TMEM63A: variants seen among roughly 807,000 people sequenced by gnomAD.
TMEM63A encodes the protein mechanosensitive cation channel TMEM63A.
In TMEM63A, 76 loss-of-function variants were observed where a neutral mutation model predicts 100.6. The observed-to-expected ratio is 0.76, with a 90% CI of 0.63 to 0.91. The LOEUF (loss-of-function observed/expected upper bound fraction) is 0.91, where lower values mean the gene tolerates loss of function less well. TMEM63A is among the 40% of genes least tolerant of loss of function. The pLI, the probability that TMEM63A is intolerant of heterozygous loss-of-function variation, is 0.00. For synonymous variants in TMEM63A, 401 were observed against 401.1 expected, an observed-to-expected ratio of 1.00 and a Z score of 0.00; for missense variants, 876 against 1,008.8, an observed-to-expected ratio of 0.87 and a Z score of 1.78.
downstream of TMEM63A, chr1:225,842,376 G>A: frequency 1.9e-6 from 3 of 1,612,958 alleles, no homozygotes; most frequent in Non-Finnish European, 2.5e-6. Context: ...GCTCTGCTCT[G>A]AATGACTCTC....
Position 225,865,996 on chromosome 1 carries a change from G to C in TMEM63A, c.676-29C>G. On this transcript the variant is annotated intron_variant, in intron 9 of 24. Coordinates refer to ENST00000366835, the MANE Select transcript of TMEM63A (RefSeq NM_014698.3). The surrounding 1 kb of genome is among the most constrained non-coding windows in gnomAD (Gnocchi z 4.6). ...TCCGGGAAATACAGCAGGGAGAGAA[G>C]TCACCCACAAGCCAGTGTGCCGGTA... 6.2e-7 allele frequency: 1 copy of C among 1,610,550 alleles called. No individual in the cohort carries two copies.
intron 22 of TMEM63A, 103 bp from the exon 23 acceptor site, chr1:225,848,657 G>T: frequency 1.6e-6 from 2 of 1,287,954 alleles, no homozygotes; most frequent in Non-Finnish European, 2.2e-6. Context: ...AATAGTACCA[G>T]CTGGCACCAA....
rs41441645 is a variant in TMEM63A at position 225,847,208 on chromosome 1, G to A, written c.2256C>T (p.Tyr752=). 28,187 of 1,612,866 alleles carry A rather than the reference G, an allele frequency of 0.017. 565 individuals carry two copies. Among genetic ancestry groups the A allele is most frequent in the East Asian group, 0.13 (5,613 of 44,854 alleles). ...CCAAGCCGTTCAGAATCCGAGGCAC[G>A]TAGGGCTGTCAGCAAATGGATTTGT... ...EAHMPPPFTP[Y]VPRILNGLAS... The change falls in exon 24 of 25, where the codon TAC becomes TAT. Residue 752 remains tyrosine, a synonymous_variant. Transcript: ENST00000366835.
In TMEM63A at chr1:225,867,200, G is replaced by A; in HGVS notation, c.515-37C>T. The A allele has an allele frequency of 6.2e-7, 1 of 1,611,400 alleles. No individual in the cohort carries two copies. The highest frequency in any genetic ancestry group is 8.5e-7 in the Non-Finnish European group (1 of 1,177,480). On this transcript the variant is annotated intron_variant, in intron 7 of 24. Transcript: ENST00000366835. This position sits in a 1 kb window ranked among gnomAD's most constrained non-coding sequence, Gnocchi z 4.6. ...CACAGATACTTAGTTCCAGGGTCAT[G>A]TGGGGAAGCAGGAGGGGGCGTAACC... is the stretch of plus-strand genomic sequence containing the variant.
intron 8 of TMEM63A, 191 bp from the exon 9 acceptor site, chr1:225,866,873 T>C: frequency 1.5e-6 from 1 of 672,024 alleles, no homozygotes; most frequent in Non-Finnish European, 2.6e-6. Flanking sequence ...GGGGTCCCCA[T>C]CCCTGTCCTG....
intron 23 of TMEM63A, among the ~76,000 whole-genome samples, chr1:225,847,869 A>G (rs962749770): frequency 6.6e-6 from 1 of 152,144 alleles, no homozygotes; most frequent in African/African-American, 2.4e-5. Flanking sequence ...AACCCTGCAG[A>G]TGAGGTCGGC....
At chr1:225,844,398 C>T (rs1440999579), downstream of TMEM63A, 31 of 1,588,954 alleles carry the variant, frequency 2.0e-5, no homozygotes, top group Admixed American at 6.7e-5. Context: ...GGAGGGAAGC[C>T]GCATGGGCAG....
rs1188868669 is a variant in TMEM63A, at chr1:225,862,765, A to T, written c.827+6T>A. 1.2e-6 allele frequency: 2 copies of T among 1,613,706 alleles called. No homozygotes were observed. The highest frequency in any genetic ancestry group is 1.7e-6 in the Non-Finnish European group (2 of 1,179,948). ...GGGCATCTTGCAAGGCCCGCCCACC[A>T]CTCACTTCTCCTTGCACAGGTAGAT... On this transcript the variant is annotated splice_donor_region_variant and intron_variant, in intron 11 of 24. Coordinates refer to ENST00000366835, the MANE Select transcript of TMEM63A (RefSeq NM_014698.3). The surrounding 1 kb of genome is among the most constrained non-coding windows in gnomAD (Gnocchi z 5.1).
chr1:225,862,582 T>G lies in TMEM63A; in HGVS notation c.828-4A>C, dbSNP rs773653986. 2.2e-5 allele frequency: 35 copies of G among 1,612,892 alleles called. No individual in the cohort carries two copies. In the East Asian group the frequency reaches 7.8e-4, roughly 36 times the overall value. ...CAGGCTCTTCTCAGTCTTCTTTCTGTAGGGGTGGGAGCGGGGGCACAAACC... is the reference window on the plus strand; with the variant it reads ...CAGGCTCTTCTCAGTCTTCTTTCTGGAGGGGTGGGAGCGGGGGCACAAACC... On this transcript the variant is annotated splice_region_variant and splice_polypyrimidine_tract_variant and intron_variant, in intron 11 of 24. Transcript: ENST00000366835. The surrounding 1 kb of genome is among the most constrained non-coding windows in gnomAD (Gnocchi z 5.1).
At chr1:225,841,243 TTA>T (rs1256843892), downstream of TMEM63A, 1 of 152,200 alleles carries the variant, frequency 6.6e-6, no homozygotes, top group Non-Finnish European at 1.5e-5. Context: ...TTGCTCAATA[TTA>T]TGTTTGTGAG....
At position 225,857,392 on chromosome 1, in the gene TMEM63A, G is replaced by T. The variant is rs922656700; in HGVS notation, c.1378-375C>A. Among the ~76,000 whole-genome samples, 25 of 137,136 alleles carry T rather than the reference G, an allele frequency of 1.8e-4. 1 individual carries two copies. Among genetic ancestry groups the T allele is most frequent in the South Asian group, 9.5e-4 (4 of 4,222 alleles). The allele number at this position is 137,136 out of a possible 152,430, so 90.0% of individuals were successfully genotyped here. A position where few individuals can be genotyped will look rare whatever the true frequency, so the allele number is the denominator to read the frequency against. ...AGTCCTGGCCGGCGGGGCGGGGGGG[G>T]GGGGGTGCCCTGCCTGCTCAGCTCC... is the stretch of plus-strand genomic sequence containing the variant. On this transcript the variant is annotated intron_variant, in intron 15 of 24. Transcript: ENST00000366835.
intron 6 of TMEM63A, among the ~76,000 whole-genome samples, chr1:225,869,528 A>G (rs897586824): frequency 2.6e-5 from 4 of 152,184 alleles, no homozygotes; most frequent in Admixed American, 6.5e-5. Context: ...TAGGCTGAGC[A>G]TATGTTATCC....
intron 17 of TMEM63A, 150 bp from the exon 18 acceptor site, chr1:225,856,090 C>T: frequency 1.3e-6 from 1 of 760,468 alleles, no homozygotes; most frequent in Admixed American, 2.8e-5. Context: ...CATGACCTGT[C>T]ACAGTCTGCT....
chr1:225,845,269 C>T, downstream of TMEM63A: 1 of 1,613,728 alleles, frequency 6.2e-7, no homozygotes, highest in Non-Finnish European at 8.5e-7. Flanking sequence ...TTCGTGGGGG[C>T]CACTTTGCGG....
intron 21 of TMEM63A, 145 bp downstream of exon 21, chr1:225,849,767 G>A: frequency 9.8e-7 from 1 of 1,022,942 alleles, no homozygotes; most frequent in East Asian, 2.6e-5. Flanking sequence ...GTTCTGATGG[G>A]ACACCTAACC....
downstream of TMEM63A, chr1:225,841,331 A>G (rs1668392393): frequency 6.6e-6 from 1 of 152,298 alleles, no homozygotes; most frequent in South Asian, 2.1e-4. Flanking sequence ...TGCCCAGGGT[A>G]GAGTGCAGTG....
chr1:225,841,267 C>G (rs1284720409), downstream of TMEM63A: 1 of 152,162 alleles, frequency 6.6e-6, no homozygotes, highest in Non-Finnish European at 1.5e-5. Flanking sequence ...TTCATTTATG[C>G]CATTGTCCCA....
At position 225,859,499 on chromosome 1, in the gene TMEM63A, T is replaced by G. The variant is rs1016721935; in HGVS notation, c.1224-150A>C. 18 of 928,276 alleles carry G rather than the reference T, an allele frequency of 1.9e-5. No homozygotes were observed. The African/African-American group carries it at 3.0e-4, about 16-fold the overall frequency. 57.5% of individuals were successfully genotyped at this position (928,276 alleles called of 1,614,324 possible). On this transcript the variant is annotated intron_variant, in intron 14 of 24. Transcript: ENST00000366835. ...CTTCAACTACAGAAAGACCAAATCTTAGGTCCCCAAGAGCTCAGAGGGAAC... is the reference window on the plus strand; with the variant it reads ...CTTCAACTACAGAAAGACCAAATCTGAGGTCCCCAAGAGCTCAGAGGGAAC...
intron 4 of TMEM63A, among the ~76,000 whole-genome samples, chr1:225,872,709 T>A (rs1037414609): frequency 2.8e-5 from 3 of 106,482 alleles, no homozygotes; most frequent in Non-Finnish European, 3.8e-5. Context: ...TTTTTTTTTT[T>A]TTGAGACAGA....
Sources: gnomAD v4.1 joint callset for allele counts (sites outside exome capture counted in the v4.1 genomes callset) on GRCh38, gnomAD v4.1.1 for gene constraint, Gnocchi (gnomAD v3.1) non-coding constraint, MANE v1.5 for transcripts, NCBI Gene and HGNC (gene_info 2026-07-23, HGNC 2026-07-21) for gene names.